PKD1L1: variants seen among roughly 807,000 people sequenced by gnomAD.
PKD1L1 encodes the protein polycystin-1-like protein 1.
PKD1L1 carries 236 observed loss-of-function variants against 323.4 expected under a neutral mutation model. The observed-to-expected ratio is 0.73, with a 90% confidence interval of 0.66 to 0.81. The LOEUF (loss-of-function observed/expected upper bound fraction) is 0.81. Ranked by LOEUF, PKD1L1 falls within the 40% of genes least tolerant of loss-of-function variation. The pLI, the probability that PKD1L1 is intolerant of heterozygous loss-of-function variation, is 0.00. For missense variants in PKD1L1, 3,320 were observed against 3,508.0 expected, an observed-to-expected ratio of 0.95 and a Z score of 1.35; for synonymous variants, 1,344 against 1,335.0, an observed-to-expected ratio of 1.01 and a Z score of -0.15.
chr7:47,922,753 G>T (rs1248598152), intron 7 of PKD1L1, among the ~76,000 whole-genome samples: 1 of 151,476 alleles, frequency 6.6e-6, no homozygotes, highest in Admixed American at 6.6e-5. Flanking sequence ...TTGGGGAGGT[G>T]GGGGGCAGCC....
At chr7:47,880,178 AGAGAGAG>A (rs1467007018) in intron 21 of PKD1L1, among the ~76,000 whole-genome samples, 2 of 145,948 alleles carry the variant, frequency 1.4e-5, no homozygotes, top group African/African-American at 5.1e-5. Flanking sequence ...AGAGAGAGAG[AGAGAGAG>A]AGAGATTACG....
chr7:47,890,944 A>G (rs781306406), intron 15 of PKD1L1, among the ~76,000 whole-genome samples, 181 bp from the exon 16 acceptor site: 6 of 152,128 alleles, frequency 3.9e-5, no homozygotes, highest in Non-Finnish European at 7.4e-5. Flanking sequence ...GTGCAGCAGC[A>G]CCACCACCTG....
chr7:47,839,451 G>A lies in PKD1L1; in HGVS notation c.5764C>T (p.Arg1922Trp), dbSNP rs76100363. 0.18 allele frequency: 285,382 copies of A among 1,604,416 alleles called. 27,288 individuals are homozygous for A. The highest frequency in any genetic ancestry group is 0.24 in the Admixed American group (14,463 of 59,360). The change falls in exon 36 of 57, where the codon CGG (arginine) becomes TGG (tryptophan). Residue 1922 changes from arginine (R) to tryptophan (W), a missense_variant. By Grantham distance (101) the Arg-to-Trp change is moderately radical. Coordinates refer to ENST00000289672, the MANE Select transcript of PKD1L1 (RefSeq NM_138295.5). The surrounding 1 kb of genome is among the most constrained non-coding windows in gnomAD (Gnocchi z 4.3). ...GCCACCTGGAGGGAGCCTACCTTCCGGAAGCCGAGTCCCCCTTGCAGACAG... is the reference window on the plus strand; with the variant it reads ...GCCACCTGGAGGGAGCCTACCTTCCAGAAGCCGAGTCCCCCTTGCAGACAG... The part of the protein sequence containing the change: ...LTCLQGGLGF[R>W]KLFYCKFTEY...
chr7:47,821,086 C>G lies in PKD1L1; in HGVS notation c.6955G>C (p.Glu2319Gln), dbSNP rs1348438744. ...ACCCAAACCTCCTACCTTGTAAATT[C>G]TTTCCGGATAGCTTGATTGAGGGAG... The part of the protein sequence containing the change: ...EYSLNQAIRK[E>Q]FTRNARNCLG... Residue 2319 changes from glutamate to glutamine, a missense_variant, in exon 46 of 57, where the codon GAA (glutamate) becomes CAA (glutamine). Glu to Gln is a conservative substitution (Grantham distance 29). Transcript: ENST00000289672. 1 of 1,586,278 alleles carries G rather than the reference C, an allele frequency of 6.3e-7. No individual in the cohort carries two copies.
chr7:47,843,915 T>C (rs1319033737), intron 33 of PKD1L1, among the ~76,000 whole-genome samples: 1 of 152,164 alleles, frequency 6.6e-6, no homozygotes, highest in East Asian at 1.9e-4. Context: ...TGGGCTCTGC[T>C]CTTGGTTTCT....
In PKD1L1 at chr7:47,800,751, G is replaced by A; in HGVS notation, c.8091C>T (p.Ser2697=). Residue 2697 remains serine, a synonymous_variant, in exon 54 of 57, where the codon AGC becomes AGT. Transcript: ENST00000289672. ...PGLLFHFPRR[S]QKDCLLGLSK... ...AAAGGCCAAGGAGGCAGTCTTTTTG[G>A]CTTCTTCTGGGAAAATGAAACAGCA... 6.2e-7 allele frequency: 1 copy of A among 1,614,160 alleles called. No homozygotes were observed. Among genetic ancestry groups the A allele is most frequent in the Non-Finnish European group, 8.5e-7 (1 of 1,180,036 alleles).
chr7:47,852,880 A>T lies in PKD1L1; in HGVS notation c.4960+247T>A, dbSNP rs1256380531. On this transcript the variant is annotated intron_variant, in intron 31 of 56. Transcript: ENST00000289672. ...TAAGGATCAGGAGGAGGCGCCAGAG[A>T]CCACCTGGGAAGAGATGGGTAGGGC... Among the ~76,000 whole-genome samples the T allele has an allele frequency of 2.0e-5, 3 of 152,048 alleles. 1 individual carries two copies. The highest frequency in any genetic ancestry group is 2.0e-4 in the Admixed American group (3 of 15,258).
At chr7:47,932,956 T>C (rs1787800343) in intron 4 of PKD1L1, among the ~76,000 whole-genome samples, 1 of 152,222 alleles carries the variant, frequency 6.6e-6, no homozygotes, top group Non-Finnish European at 1.5e-5. Context: ...AGTCCCCACC[T>C]ATACAAGAGT....
At chr7:47,899,764 G>A (rs958595682) in intron 13 of PKD1L1, among the ~76,000 whole-genome samples, 1 of 152,052 alleles carries the variant, frequency 6.6e-6, no homozygotes, top group Admixed American at 6.5e-5. Flanking sequence ...AGACCATCCT[G>A]GCTAACACGG....
Position 47,905,834 on chromosome 7 carries a change from A to G in PKD1L1, c.1522+9T>C. On this transcript the variant is annotated intron_variant, in intron 10 of 56. Coordinates refer to ENST00000289672, the MANE Select transcript of PKD1L1 (RefSeq NM_138295.5). ...TTTTGTTAAATCTGGAATTAAAACA[A>G]AGACATACATTGCATCTTATACCAG... 6.2e-7 allele frequency: 1 copy of G among 1,610,868 alleles called. No individual in the cohort carries two copies. The highest frequency in any genetic ancestry group is 2.2e-5 in the East Asian group (1 of 44,820).
chr7:47,880,282 A>ATT (rs1309864473), intron 21 of PKD1L1, among the ~76,000 whole-genome samples: 78 of 69,706 alleles, frequency 1.1e-3, no homozygotes, highest in East Asian at 4.0e-3. Flanking sequence ...ATATATATAT[A>ATT]TATTTTTTTT....
intron 46 of PKD1L1, among the ~76,000 whole-genome samples, chr7:47,820,846 G>A (rs1216782558): frequency 6.6e-6 from 1 of 152,168 alleles, no homozygotes; most frequent in East Asian, 1.9e-4. Context: ...CCCTGTTTTG[G>A]CACAGAACTT....
At chr7:47,844,102 T>C (rs1252312919) in intron 33 of PKD1L1, among the ~76,000 whole-genome samples, 1 of 152,186 alleles carries the variant, frequency 6.6e-6, no homozygotes, top group Non-Finnish European at 1.5e-5. Flanking sequence ...CCAGGGCTGC[T>C]TCCCCCATGG....
rs1013083842 is a variant in PKD1L1, at chr7:47,837,111, G to A, written c.5770-17C>T. 15 of 1,613,058 alleles carry A rather than the reference G, an allele frequency of 9.3e-6. No homozygotes were observed. Among genetic ancestry groups the A allele is most frequent in the South Asian group, 4.4e-5 (4 of 91,006 alleles). ...ATAGAAAAGCTGAAACGGAAAGCAG[G>A]AGAAGTGTTCCCTGACATGGAGCAT... On this transcript the variant is annotated splice_polypyrimidine_tract_variant and intron_variant, in intron 36 of 56. Coordinates refer to ENST00000289672, the MANE Select transcript of PKD1L1 (RefSeq NM_138295.5).
Position 47,809,628 on chromosome 7 carries a change from GT to G in PKD1L1, c.7582-52del, listed in dbSNP as rs758697866. On this transcript the variant is annotated intron_variant, in intron 50 of 56. Coordinates refer to ENST00000289672, the MANE Select transcript of PKD1L1 (RefSeq NM_138295.5). ...AGATCAATAGGAATGCTGATAAATT[GT>G]TTTTTGAAGGTCTAAACATGTGACC... is the stretch of plus-strand genomic sequence containing the variant. 2.5e-5 allele frequency: 34 copies of G among 1,384,418 alleles called. 2 individuals carry two copies. In the South Asian group the frequency reaches 4.1e-4, roughly 17 times the overall value. 85.8% of individuals were successfully genotyped at this position (1,384,418 alleles called of 1,614,324 possible).
chr7:47,814,175 C>T lies in PKD1L1; in HGVS notation c.7090-161G>A, dbSNP rs1016314262. 3.9e-5 allele frequency among the ~76,000 whole-genome samples: 6 copies of T among 152,144 alleles called. No homozygotes were observed. In the East Asian group the frequency reaches 7.7e-4, roughly 20 times the overall value. ...AATACCATTTTAGGGATACAACCAA[C>T]ATTCTAAGAAGGCAGCAACAACCTC... On this transcript the variant is annotated intron_variant, in intron 47 of 56. Transcript: ENST00000289672.
chr7:47,953,540 G>A, the PKD1L1 span, among the ~76,000 whole-genome samples: 7 of 152,254 alleles, frequency 4.6e-5, no homozygotes, highest in African/African-American at 1.7e-4. Flanking sequence ...CTGAGTTGGA[G>A]CACCACTGTT....
intron 55 of PKD1L1, among the ~76,000 whole-genome samples, chr7:47,794,425 C>T (rs966191339): frequency 6.6e-6 from 1 of 152,184 alleles, no homozygotes; most frequent in African/African-American, 2.4e-5. Flanking sequence ...AGAGTGGAAC[C>T]CCCAAGCCTT....
In PKD1L1 at chr7:47,813,958, T is replaced by C. The variant is rs1420391017; in HGVS notation, c.7146A>G (p.Leu2382=). ...YLIGSSVIRQ[L]KVFPRHLCKP... is the part of the protein sequence containing the mutation. ...TGCATAAATGCCTAGGAAAAACTTT[T>C]AGCTGCCTAATTACGGAACTGCCTA... The change falls in exon 48 of 57, where the codon CTA becomes CTG. Residue 2382 remains leucine, a synonymous_variant. Coordinates refer to ENST00000289672, the MANE Select transcript of PKD1L1 (RefSeq NM_138295.5). 13 of 1,614,030 alleles carry C rather than the reference T, an allele frequency of 8.1e-6. No homozygotes were observed. Among genetic ancestry groups the C allele is most frequent in the East Asian group, 2.2e-5 (1 of 44,904 alleles).
Sources: allele counts gnomAD v4.1 joint callset (sites outside exome capture counted in the v4.1 genomes callset), GRCh38; gene constraint gnomAD v4.1.1; non-coding constraint Gnocchi (gnomAD v3.1); transcripts MANE v1.5; gene names NCBI Gene and HGNC (gene_info 2026-07-23, HGNC 2026-07-21).